The following ABR variants were observed in gnomAD, a reference collection of about 807,000 sequenced individuals.
ABR encodes ABR activator of RhoGEF and GTPase, also known as active breakpoint cluster region-related protein.
Under a neutral mutation model 107.2 loss-of-function variants are expected in ABR, and 35 were observed. The ratio of observed to expected loss-of-function variants is 0.33; its 90% CI spans 0.25 to 0.43. ABR has a LOEUF of 0.43. Ranked by LOEUF, ABR falls within the 20% of genes least tolerant of loss-of-function variation. The pLI is 1.00. For missense variants in ABR, 815 were observed against 1,115.2 expected (o/e 0.73, Z 3.83); for synonymous variants, 498 against 462.0 (o/e 1.08, Z -1.00).
intron 1 of ABR, among the ~76,000 whole-genome samples, chr17:1,222,772 C>T (rs572786601): frequency 9.9e-4 from 151 of 151,938 alleles, no homozygotes; most frequent in Middle Eastern, 3.4e-3. Flanking sequence ...TTAGCCGGCT[C>T]GTGGCATGTG....
chr17:1,137,782 C>A (rs939573360), intron 1 of ABR, among the ~76,000 whole-genome samples: 1 of 152,122 alleles, frequency 6.6e-6, no homozygotes. Context: ...CACATGAGTG[C>A]CGTAAAGCAA....
chr17:1,096,016 G>A (rs1326156771), intron 3 of ABR, among the ~76,000 whole-genome samples: 2 of 152,220 alleles, frequency 1.3e-5, no homozygotes, highest in African/African-American at 4.8e-5. Flanking sequence ...CTCACCCTGT[G>A]GCCCCAGCGT....
chr17:1,033,342 A>T (rs1024079610), intron 16 of ABR, among the ~76,000 whole-genome samples: 1 of 152,176 alleles, frequency 6.6e-6, no homozygotes, highest in African/African-American at 2.4e-5. Context: ...GGCATCATGG[A>T]TTAAGTCACT....
At chr17:1,021,563 T>C (rs1046109962) in intron 16 of ABR, among the ~76,000 whole-genome samples, 1 of 152,270 alleles carries the variant, frequency 6.6e-6, no homozygotes, top group African/African-American at 2.4e-5. Flanking sequence ...CCCAGCACTT[T>C]GGGAGGCCGA....
chr17:1,113,394 C>A (rs1276645429), intron 2 of ABR, among the ~76,000 whole-genome samples: 6 of 140,766 alleles, frequency 4.3e-5, no homozygotes, highest in Admixed American at 7.9e-5. Flanking sequence ...TCAACCCATT[C>A]TTTCGCCTCA....
intron 1 of ABR, among the ~76,000 whole-genome samples, chr17:1,217,997 T>C (rs1247539981): frequency 2.0e-5 from 3 of 152,028 alleles, no homozygotes; most frequent in African/African-American, 7.3e-5. Flanking sequence ...GCCCGACTAA[T>C]TTTTGTATTT....
chr17:1,229,635 C>G (rs1598163257), exon 1 of ABR, among the ~76,000 whole-genome samples: 2 of 151,952 alleles, frequency 1.3e-5, no homozygotes, highest in East Asian at 3.9e-4. Flanking sequence ...CCACATGCCC[C>G]GAGCTCCGTC....
chr17:1,175,385 C>G (rs2041884498), intron 1 of ABR, among the ~76,000 whole-genome samples: 1 of 152,168 alleles, frequency 6.6e-6, no homozygotes, highest in African/African-American at 2.4e-5. Context: ...GCACTCCAGC[C>G]TGGGCGAGAG....
intron 14 of ABR, chr17:1,055,756 T>A: frequency 2.6e-6 from 1 of 379,714 alleles, no homozygotes. Context: ...CTCGAACTCC[T>A]GACCTCGTGA....
chr17:1,136,126 C>T (rs2040051815), intron 1 of ABR, among the ~76,000 whole-genome samples: 1 of 152,160 alleles, frequency 6.6e-6, no homozygotes, highest in African/African-American at 2.4e-5. Context: ...AAGCCAGGCA[C>T]GGATCCCTTT....
intron 1 of ABR, among the ~76,000 whole-genome samples, chr17:1,199,851 G>A (rs1211905172): frequency 6.6e-6 from 1 of 151,674 alleles, no homozygotes; most frequent in African/African-American, 2.4e-5. Context: ...AGAGTAAAAT[G>A]TGACCCATAA....
rs142512460 is a variant in ABR, at chr17:1,053,470, G to A, written c.1561+2565C>T. On this transcript the variant is annotated intron_variant, in intron 14 of 22. Transcript: ENST00000302538. The stretch of plus-strand genomic sequence containing the variant: ...CTCACAGGGTCAGAGCGAGGGTTCC[G>A]GAGTCAGACCATCTGGGTCCACACC... Among the ~76,000 whole-genome samples, 225 of 152,020 alleles carry A rather than the reference G, an allele frequency of 1.5e-3. 1 individual carries two copies. Among genetic ancestry groups the A allele is most frequent in the African/African-American group, 4.7e-3 (195 of 41,420 alleles).
At chr17:1,167,716 C>G (rs1444673929) in intron 1 of ABR, among the ~76,000 whole-genome samples, 1 of 152,216 alleles carries the variant, frequency 6.6e-6, no homozygotes, top group African/African-American at 2.4e-5. Flanking sequence ...AAATGAGATA[C>G]TGTTAGCAAA....
chr17:1,195,578 G>C (rs1185222562), intron 1 of ABR, among the ~76,000 whole-genome samples: 1 of 151,660 alleles, frequency 6.6e-6, no homozygotes, highest in Non-Finnish European at 1.5e-5. Flanking sequence ...GCCGAGGCGG[G>C]TGGATCACGA....
At position 1,216,205 on chromosome 17, in the gene ABR, C is replaced by T. The variant is rs192278313; in HGVS notation, c.838+12588G>A. ...AAAAAAAAAAGAAAGAAACTGAACA[C>T]CTAAATAGAACTTACTATGTGCCAG... On this transcript the variant is annotated intron_variant, in intron 1 of 22. Coordinates refer to the ABR transcript ENST00000574139. Among the ~76,000 whole-genome samples, 21 of 152,174 alleles carry T rather than the reference C, an allele frequency of 1.4e-4. No homozygotes were observed. The Middle Eastern group carries it at 0.01, about 74-fold the overall frequency.
At position 1,025,242 on chromosome 17, in the gene ABR, G is replaced by A. The variant is rs187945756; in HGVS notation, c.1792-12078C>T. On this transcript the variant is annotated intron_variant, in intron 16 of 22. Transcript: ENST00000302538. Reference sequence around the variant, plus strand: ...ACCCGGGAGGCGGAGGCTGCAGCGAGCCGAGATCGCGCCATTGCACTCCAG... The same window carrying A: ...ACCCGGGAGGCGGAGGCTGCAGCGAACCGAGATCGCGCCATTGCACTCCAG... Among the ~76,000 whole-genome samples the A allele has an allele frequency of 4.5e-3, 681 of 152,200 alleles. 12 individuals carry two copies. Among genetic ancestry groups the A allele is most frequent in the East Asian group, 0.035 (181 of 5,188 alleles).
chr17:1,073,471 T>C (rs2258893), intron 7 of ABR, among the ~76,000 whole-genome samples, 154 bp downstream of exon 7: 143,658 of 152,120 alleles, frequency 0.94, 67,922 homozygotes, highest in African/African-American at 0.98. Flanking sequence ...CCTGGCGGCA[T>C]GGATACCGCG....
chr17:1,219,829 G>A (rs2043084054), intron 1 of ABR, among the ~76,000 whole-genome samples: 2 of 150,500 alleles, frequency 1.3e-5, no homozygotes, highest in South Asian at 2.1e-4. Context: ...AGAGATCTTG[G>A]GCTTGCTGGT....
At chr17:1,187,937 CG>C (rs942125149), upstream of ABR, among the ~76,000 whole-genome samples, 6 of 151,734 alleles carry the variant, frequency 4.0e-5, no homozygotes, top group African/African-American at 1.5e-4. Flanking sequence ...CAAATTGGGC[CG>C]GGCACAGAGG....
Sources: gnomAD v4.1 joint callset for allele counts (sites outside exome capture counted in the v4.1 genomes callset) on GRCh38, gnomAD v4.1.1 for gene constraint, MANE v1.5 for transcripts, NCBI Gene and HGNC (gene_info 2026-07-23, HGNC 2026-07-21) for gene names.